PGAP2: variants seen among roughly 807,000 people sequenced by gnomAD.
The protein encoded by PGAP2 is acyltransferase PGAP2.
In PGAP2, 21 loss-of-function variants were observed where a neutral mutation model predicts 33.2. The observed-to-expected ratio is 0.63, with a 90% CI of 0.45 to 0.91. The LOEUF is 0.91. Ranked by LOEUF, PGAP2 falls within the 40% of genes least tolerant of loss-of-function variation. The probability of loss-of-function intolerance (pLI) is 0.00; values close to 1 mark genes in which losing one functional copy is unlikely to be tolerated. For missense variants in PGAP2, 345 were observed against 424.0 expected, an observed-to-expected ratio of 0.81 and a Z score of 1.64; for synonymous variants, 161 against 172.9, an observed-to-expected ratio of 0.93 and a Z score of 0.54.
chr11:3,798,033 G>A (rs1350610275), intron 1 of PGAP2: 1 of 1,535,020 alleles, frequency 6.5e-7, no homozygotes, highest in Non-Finnish European at 8.8e-7. Context: ...TGCTGGGAAG[G>A]CTTCCTAGTC....
intron 3 of PGAP2, chr11:3,817,963 T>C (rs745610148): frequency 2.4e-6 from 1 of 418,410 alleles, no homozygotes; most frequent in Non-Finnish European, 4.8e-6. Context: ...GGAGAATTGC[T>C]TGAGGCTGGG....
intron 2 of PGAP2, among the ~76,000 whole-genome samples, chr11:3,815,268 A>C (rs1034088988): frequency 6.6e-6 from 1 of 150,412 alleles, no homozygotes; most frequent in Non-Finnish European, 1.5e-5. Flanking sequence ...AGCCCTGTAG[A>C]GACAAGAAGA....
Position 3,825,713 on chromosome 11 carries a change from C to A in PGAP2, c.*255C>A. 18 of 247,500 alleles carry A rather than the reference C, an allele frequency of 7.3e-5. No individual in the cohort carries two copies. The highest frequency in any genetic ancestry group is 1.1e-4 in the Non-Finnish European group (14 of 130,730). 15.3% of individuals were successfully genotyped at this position (247,500 alleles called of 1,614,324 possible). ...AAGCTGAGCTGGCAGAGAGCTCCAC[C>A]ATTTGGTGCTAAAAAAAAAAACGTC... is the stretch of plus-strand genomic sequence containing the variant. On this transcript the variant is annotated 3_prime_UTR_variant, in exon 7 of 7. Transcript: ENST00000278243.
upstream of PGAP2, among the ~76,000 whole-genome samples, chr11:3,807,543 G>A (rs1441388826): frequency 6.6e-6 from 1 of 151,728 alleles, no homozygotes; most frequent in Non-Finnish European, 1.5e-5. Flanking sequence ...CCTGACCTCA[G>A]GTGATCCGCC....
At chr11:3,807,417 C>T (rs576009081), upstream of PGAP2, among the ~76,000 whole-genome samples, 156 of 150,098 alleles carry the variant, frequency 1.0e-3, no homozygotes, top group Non-Finnish European at 2.0e-3. Context: ...AAGCGATTCT[C>T]CTGCCTCAGC....
chr11:3,797,907 G>T (rs1054444879), exon 1 of PGAP2: 17 of 1,548,204 alleles, frequency 1.1e-5, no homozygotes, highest in East Asian at 2.5e-5. Context: ...TAGAGACTCC[G>T]CCCCCTTCCT....
exon 1 of PGAP2, chr11:3,797,973 G>A (rs543736143): frequency 8.4e-6 from 13 of 1,546,878 alleles, no homozygotes; most frequent in South Asian, 7.2e-5. Flanking sequence ...GACGGCCCCA[G>A]AATGGCATGG....
chr11:3,811,662 T>A lies in PGAP2; in HGVS notation c.165+238T>A, dbSNP rs564611532. Among the ~76,000 whole-genome samples the A allele has an allele frequency of 5.3e-5, 8 of 152,224 alleles. No homozygotes were observed. The highest frequency in any genetic ancestry group is 3.4e-3 in the Middle Eastern group (1 of 294). The stretch of plus-strand genomic sequence containing the variant: ...AGAGTCAGTAAATGAATTACAAGTA[T>A]AACAGAGTTTGACACATGTCCCACC... On this transcript the variant is annotated intron_variant, in intron 2 of 6. Transcript: ENST00000278243. The surrounding 1 kb of genome is among the most constrained non-coding windows in gnomAD (Gnocchi z 4.6).
intron 2 of PGAP2, among the ~76,000 whole-genome samples, chr11:3,812,837 G>A (rs1439823327): frequency 6.6e-6 from 1 of 152,134 alleles, no homozygotes; most frequent in East Asian, 1.9e-4. Flanking sequence ...GGTAGACATG[G>A]GTGTTGAGGT....
chr11:3,821,649 T>C (rs916775148), intron 3 of PGAP2, among the ~76,000 whole-genome samples: 3 of 152,006 alleles, frequency 2.0e-5, no homozygotes, highest in African/African-American at 4.8e-5. Flanking sequence ...TCCCAGTTAC[T>C]TGGGAGGCTG....
Position 3,814,477 on chromosome 11 carries a change from G to C in PGAP2, c.166-2876G>C, listed in dbSNP as rs192052462. On this transcript the variant is annotated intron_variant, in intron 2 of 6. Coordinates refer to ENST00000278243, the MANE Select transcript of PGAP2 (RefSeq NM_014489.4). ...TCGTCATGTTGGCCAGGCTCGTCTC[G>C]AACTCCTGACCTCAGGTGATCCACC... 4.8e-3 allele frequency among the ~76,000 whole-genome samples: 734 copies of C among 152,084 alleles called. 8 individuals are homozygous for C. Among genetic ancestry groups the C allele is most frequent in the African/African-American group, 0.017 (690 of 41,476 alleles).
chr11:3,821,540 CAG>C (rs2088636210), intron 3 of PGAP2, among the ~76,000 whole-genome samples: 1 of 151,316 alleles, frequency 6.6e-6, no homozygotes, highest in African/African-American at 2.4e-5. Context: ...GGCAGATCAC[CAG>C]AGGTCAGGAG....
At chr11:3,799,058 G>A (rs924129176) in intron 1 of PGAP2, among the ~76,000 whole-genome samples, 1 of 152,224 alleles carries the variant, frequency 6.6e-6, no homozygotes, top group South Asian at 2.1e-4. Flanking sequence ...CTCTGTTAAA[G>A]CCTTGTCACT....
chr11:3,808,254 A>T (rs2084802692), upstream of PGAP2: 4 of 1,550,798 alleles, frequency 2.6e-6, no homozygotes, highest in Non-Finnish European at 3.5e-6. Context: ...TGAGAAAGAA[A>T]TCCGGCCCCT....
intron 1 of PGAP2, among the ~76,000 whole-genome samples, chr11:3,802,012 A>G (rs1159024752): frequency 6.6e-6 from 1 of 151,542 alleles, no homozygotes; most frequent in Non-Finnish European, 1.5e-5. Context: ...ATTCTAAGAC[A>G]TTGATTCTGA....
In PGAP2 at chr11:3,824,330, C is replaced by T. The variant is rs780188037; in HGVS notation, c.662C>T (p.Thr221Ile). 4.9e-5 allele frequency: 79 copies of T among 1,614,132 alleles called. No homozygotes were observed. The highest frequency in any genetic ancestry group is 6.1e-5 in the Non-Finnish European group (72 of 1,180,050). The change falls in exon 5 of 7, where the codon ACC (threonine) becomes ATC (isoleucine). Residue 221 changes from threonine to isoleucine, a missense_variant. Coordinates refer to ENST00000278243, the MANE Select transcript of PGAP2 (RefSeq NM_014489.4). ...IASSLGHMLL[T>I]CILWRLTKKH... is the part of the protein sequence containing the mutation. ...TCATCCCTCGGGCACATGCTCCTCA[C>T]CTGCATTCTCTGGCGGTTGACCAAG...
chr11:3,815,044 T>G (rs2086690766), intron 2 of PGAP2, among the ~76,000 whole-genome samples: 2 of 151,412 alleles, frequency 1.3e-5, no homozygotes, highest in African/African-American at 4.9e-5. Flanking sequence ...TTCAAGCCAT[T>G]CTTATGCCTC....
rs1590306422 is a variant in PGAP2, at chr11:3,817,463, G to A, written c.276G>A (p.Val92=). 1 of 1,614,148 alleles carries A rather than the reference G, an allele frequency of 6.2e-7. No homozygotes were observed. Among genetic ancestry groups the A allele is most frequent in the Middle Eastern group, 1.6e-4 (1 of 6,062 alleles). ...TCTGGTGGGCCATCACTTTTCCTGT[G>A]TTCGGCTTCTTCTTCTGCATCATCT... ...AMVWWAITFP[V]FGFFFCIIWS... Residue 92 remains valine, a synonymous_variant, in exon 3 of 7, where the codon GTG becomes GTA. Transcript: ENST00000278243.
intron 2 of PGAP2, among the ~76,000 whole-genome samples, chr11:3,814,863 T>TTC (rs1274662354): frequency 2.7e-5 from 4 of 150,926 alleles, no homozygotes; most frequent in African/African-American, 7.3e-5. Context: ...TCTTTCTTTC[T>TTC]TTTCTTTCTT....
Sources: allele counts gnomAD v4.1 joint callset (sites outside exome capture counted in the v4.1 genomes callset), GRCh38; gene constraint gnomAD v4.1.1; non-coding constraint Gnocchi (gnomAD v3.1); transcripts MANE v1.5; gene names NCBI Gene and HGNC (gene_info 2026-07-23, HGNC 2026-07-21).